Variants in RYR3 observed in about 807,000 individuals in gnomAD.
The protein encoded by RYR3 is brain ryanodine receptor-calcium release channel.
RYR3 carries 207 observed loss-of-function variants against 584.3 expected under a neutral mutation model. The observed-to-expected ratio is 0.35, with a 90% CI of 0.32 to 0.40. RYR3 has a LOEUF of 0.40. Among genes scored for constraint, RYR3 ranks in the 10% least tolerant of loss-of-function variants. RYR3 has a pLI of 1.00. For missense variants in RYR3, 5,616 were observed against 6,089.2 expected, an observed-to-expected ratio of 0.92 and a Z score of 2.59; for synonymous variants, 2,416 against 2,248.5, an observed-to-expected ratio of 1.07 and a Z score of -2.11.
At chr15:33,729,806 T>C (rs117857272) in intron 47 of RYR3, among the ~76,000 whole-genome samples, 2 of 152,326 alleles carry the variant, frequency 1.3e-5, no homozygotes, top group East Asian at 3.9e-4. Flanking sequence ...GTGTTGTTTT[T>C]AGTTATAACA....
rs373692131 is a variant in RYR3, at chr15:33,850,961, T to G, written c.13629-2084T>G. Reference sequence around the variant, plus strand: ...TATTTGTCCCTAAATATATTTTGACTATTTTGACTATTTGGAACTTAATAT... The same window carrying G: ...TATTTGTCCCTAAATATATTTTGACGATTTTGACTATTTGGAACTTAATAT... On this transcript the variant is annotated intron_variant, in intron 94 of 103. Transcript: ENST00000634891. 7 of 152,336 alleles carry G rather than the reference T, an allele frequency of 4.6e-5. No homozygotes were observed. The East Asian group carries it at 9.6e-4, about 21-fold the overall frequency. 9.4% of individuals were successfully genotyped at this position (152,336 alleles called of 1,614,324 possible).
chr15:33,704,127 A>C (rs2066502242), intron 42 of RYR3, among the ~76,000 whole-genome samples: 1 of 152,028 alleles, frequency 6.6e-6, no homozygotes, highest in Admixed American at 6.6e-5. Context: ...TACAAAAGTT[A>C]GCCAGGCATG....
intron 9 of RYR3, 98 bp from the exon 10 acceptor site, chr15:33,550,062 T>C (rs1218490543): frequency 7.8e-7 from 1 of 1,284,514 alleles, no homozygotes; most frequent in South Asian, 1.5e-5. Flanking sequence ...ACCAGAAGGG[T>C]TATAAGTCTG....
intron 38 of RYR3, among the ~76,000 whole-genome samples, chr15:33,678,051 T>G (rs955679233): frequency 6.6e-6 from 1 of 152,232 alleles, no homozygotes; most frequent in Non-Finnish European, 1.5e-5. Context: ...AGGGCCATCA[T>G]CGTTGGGGAA....
At chr15:33,493,308 C>G (rs540170235) in intron 2 of RYR3, among the ~76,000 whole-genome samples, 1 of 152,136 alleles carries the variant, frequency 6.6e-6, no homozygotes, top group African/African-American at 2.4e-5. Context: ...TTTTCTCTCT[C>G]CTGGCCTCTG....
At chr15:33,574,932 A>G (rs1305167868) in intron 12 of RYR3, among the ~76,000 whole-genome samples, 2 of 152,178 alleles carry the variant, frequency 1.3e-5, no homozygotes, top group African/African-American at 4.8e-5. Flanking sequence ...GGCCCGAGGA[A>G]AATTTACCAA....
intron 86 of RYR3, among the ~76,000 whole-genome samples, chr15:33,834,476 CT>C (rs11337237): frequency 0.44 from 65,022 of 147,440 alleles, 14,180 homozygotes; most frequent in East Asian, 0.67. Context: ...GATTTCTTTT[CT>C]TTTTTTTTTT....
chr15:33,721,392 C>T (rs988792215), intron 43 of RYR3, among the ~76,000 whole-genome samples: 1 of 152,240 alleles, frequency 6.6e-6, no homozygotes, highest in Non-Finnish European at 1.5e-5. Flanking sequence ...AAATCCCTGA[C>T]CGATACAAAT....
chr15:33,405,566 T>A (rs1386531568), intron 1 of RYR3, among the ~76,000 whole-genome samples: 4 of 152,196 alleles, frequency 2.6e-5, no homozygotes, highest in African/African-American at 9.7e-5. Context: ...AATACTTTTT[T>A]AAAAATATAA....
chr15:33,702,506 T>G (rs1274506886), intron 42 of RYR3, among the ~76,000 whole-genome samples: 1 of 152,146 alleles, frequency 6.6e-6, no homozygotes. Flanking sequence ...GCCCATGTTT[T>G]CCTCCAAGGA....
rs200389319 is a variant in RYR3 at position 33,607,809 on chromosome 15, G to GA, written c.2164+4452dup. On this transcript the variant is annotated intron_variant, in intron 18 of 103. Coordinates refer to ENST00000634891, the MANE Select transcript of RYR3 (RefSeq NM_001036.6). ...CCTAATAATTAAGGTTCCTGGAGTT[G>GA]AAAAAAACACAAACAAATAGCACTT... Among the ~76,000 whole-genome samples, 754 of 152,160 alleles carry GA rather than the reference G, an allele frequency of 5.0e-3. 3 individuals carry two copies. The highest frequency in any genetic ancestry group is 8.0e-3 in the Non-Finnish European group (541 of 67,994).
At chr15:33,348,834 G>A (rs1206958614) in intron 1 of RYR3, among the ~76,000 whole-genome samples, 2 of 152,046 alleles carry the variant, frequency 1.3e-5, no homozygotes, top group Admixed American at 6.6e-5. Context: ...GAAGTTTGGC[G>A]AGTTTTGCCA....
intron 1 of RYR3, among the ~76,000 whole-genome samples, chr15:33,337,932 A>G (rs918177371): frequency 2.1e-5 from 2 of 93,110 alleles, no homozygotes; most frequent in Admixed American, 1.2e-4. Context: ...TCATTTTAGG[A>G]GATTTTTTTT....
chr15:33,509,144 A>G (rs911524617), intron 3 of RYR3, among the ~76,000 whole-genome samples: 3 of 152,200 alleles, frequency 2.0e-5, no homozygotes, highest in Non-Finnish European at 4.4e-5. Flanking sequence ...GAATTGGCTA[A>G]CAGTGCATCT....
intron 29 of RYR3, among the ~76,000 whole-genome samples, chr15:33,646,936 C>T (rs2062136526): frequency 6.6e-6 from 1 of 152,226 alleles, no homozygotes; most frequent in Non-Finnish European, 1.5e-5. Flanking sequence ...AACTCTGCAG[C>T]TGTGTGATTC....
In RYR3 at chr15:33,812,874, A is replaced by G. The variant is rs1182854700; in HGVS notation, c.10269A>G (p.Pro3423=). The part of the protein sequence containing the change: ...NLHLQEKSDD[P]AVKWQLNLYK... ...GCTTCAATTTTCAGTCTGATGACCC[A>G]GCTGTAAAATGGCAACTGAACCTCT... is the stretch of plus-strand genomic sequence containing the variant. The change falls in exon 73 of 104, where the codon CCA becomes CCG. Residue 3423 remains proline, a synonymous_variant. Coordinates refer to ENST00000634891, the MANE Select transcript of RYR3 (RefSeq NM_001036.6). 1 of 1,613,778 alleles carries G rather than the reference A, an allele frequency of 6.2e-7. No homozygotes were observed. Among genetic ancestry groups the G allele is most frequent in the African/African-American group, 1.3e-5 (1 of 74,928 alleles).
intron 19 of RYR3, among the ~76,000 whole-genome samples, chr15:33,617,581 T>C (rs1330453924): frequency 6.6e-6 from 1 of 152,184 alleles, no homozygotes; most frequent in Admixed American, 6.5e-5. Context: ...GAGTTGTTTC[T>C]CATATTTATT....
intron 86 of RYR3, among the ~76,000 whole-genome samples, chr15:33,832,393 G>A (rs148540921): frequency 9.9e-4 from 151 of 152,192 alleles, no homozygotes; most frequent in African/African-American, 3.4e-3. Context: ...GGTGGCTCAC[G>A]CAAGTAATCC....
At chr15:33,723,008 C>T in intron 44 of RYR3, 113 bp downstream of exon 44, 2 of 951,276 alleles carry the variant, frequency 2.1e-6, no homozygotes, top group South Asian at 1.9e-5. Context: ...TTAACAGTTA[C>T]AGCTAAAACA....
Sources: allele counts gnomAD v4.1 joint callset (sites outside exome capture counted in the v4.1 genomes callset), GRCh38; gene constraint gnomAD v4.1.1; transcripts MANE v1.5; gene names NCBI Gene and HGNC (gene_info 2026-07-23, HGNC 2026-07-21).